Variants in CTNNA3 observed in about 807,000 individuals in gnomAD.
CTNNA3 encodes the protein catenin alpha-3.
CTNNA3 carries 76 observed loss-of-function variants against 95.7 expected under a neutral mutation model. The ratio of observed to expected loss-of-function variants is 0.79; its 90% CI spans 0.66 to 0.96. The LOEUF (loss-of-function observed/expected upper bound fraction) is 0.96, where lower values mean the gene tolerates loss of function less well. CTNNA3 is among the 40% of genes least tolerant of loss of function. The pLI is 0.00. For synonymous variants in CTNNA3, 431 were observed against 374.4 expected, an observed-to-expected ratio of 1.15 and a Z score of -1.74; for missense variants, 1,191 against 1,089.8, an observed-to-expected ratio of 1.09 and a Z score of -1.31.
chr10:67,599,553 G>A (rs1425882228), intron 3 of CTNNA3, among the ~76,000 whole-genome samples: 1 of 151,902 alleles, frequency 6.6e-6, no homozygotes, highest in African/African-American at 2.4e-5. Context: ...AAAAACAAAT[G>A]AAAATTCAGG....
chr10:66,841,106 G>C (rs1322698681), intron 7 of CTNNA3, among the ~76,000 whole-genome samples: 1 of 151,914 alleles, frequency 6.6e-6, no homozygotes, highest in East Asian at 1.9e-4. Context: ...TTTTTTCCTT[G>C]TTTTCCCTAT....
chr10:65,948,401 T>G lies in CTNNA3; in HGVS notation c.2400+18211A>C, dbSNP rs946138379. 4.0e-5 allele frequency among the ~76,000 whole-genome samples: 6 copies of G among 151,810 alleles called. No homozygotes were observed. In the East Asian group the frequency reaches 1.2e-3, roughly 29 times the overall value. ...TATGAATATATACATAGAAAGAGTA[T>G]AGATCACTTTTTAAAAAACACTGAA... On this transcript the variant is annotated intron_variant, in intron 17 of 17. Transcript: ENST00000433211.
intron 7 of CTNNA3, among the ~76,000 whole-genome samples, chr10:67,058,622 C>T (rs577670135): frequency 5.8e-4 from 88 of 151,930 alleles, no homozygotes; most frequent in African/African-American, 1.1e-3. Context: ...TTTTTCTGTG[C>T]GCAGAAGCCC....
In CTNNA3 at chr10:66,833,408, G is replaced by T. The variant is rs78044275; in HGVS notation, c.1048-57884C>A. Among the ~76,000 whole-genome samples the T allele has an allele frequency of 2.2e-3, 328 of 152,136 alleles. 2 individuals carry two copies. The highest frequency in any genetic ancestry group is 3.2e-3 in the Non-Finnish European group (217 of 67,994). ...TAATAAGCATAATTGCACTGACTAC[G>T]TGCAAATCCTTATAGAATAAGCATT... is the stretch of plus-strand genomic sequence containing the variant. On this transcript the variant is annotated intron_variant, in intron 7 of 17. Coordinates refer to ENST00000433211, the MANE Select transcript of CTNNA3 (RefSeq NM_013266.4).
intron 7 of CTNNA3, among the ~76,000 whole-genome samples, chr10:66,894,179 A>G (rs1015209351): frequency 1.3e-5 from 2 of 152,116 alleles, no homozygotes; most frequent in African/African-American, 2.4e-5. Context: ...AGTAATTTAT[A>G]CACGTTAATT....
chr10:66,271,548 CA>C (rs1305090821), intron 13 of CTNNA3, among the ~76,000 whole-genome samples: 4 of 152,010 alleles, frequency 2.6e-5, no homozygotes, highest in African/African-American at 9.7e-5. Flanking sequence ...AAAAGCAAAC[CA>C]AAAACTCTAA....
intron 13 of CTNNA3, among the ~76,000 whole-genome samples, chr10:66,123,213 A>T: frequency 6.6e-6 from 1 of 152,218 alleles, no homozygotes; most frequent in East Asian, 1.9e-4. Flanking sequence ...GGCATTGGGT[A>T]AATACAGCAA....
intron 9 of CTNNA3, among the ~76,000 whole-genome samples, chr10:66,657,319 C>G (rs747621234): frequency 1.3e-5 from 2 of 152,148 alleles, no homozygotes; most frequent in Non-Finnish European, 2.9e-5. Flanking sequence ...AAGCAGCTCT[C>G]GTTCTTTAAT....
intron 9 of CTNNA3, among the ~76,000 whole-genome samples, chr10:66,644,458 T>C (rs1173444594): frequency 2.2e-5 from 2 of 91,510 alleles, no homozygotes; most frequent in Admixed American, 1.3e-4. Flanking sequence ...CCCAAATATG[T>C]ATATATATAT....
chr10:67,430,208 G>A (rs151010287), intron 5 of CTNNA3, among the ~76,000 whole-genome samples: 46 of 152,024 alleles, frequency 3.0e-4, no homozygotes, highest in Admixed American at 2.4e-3. Context: ...CTTTAGCCAC[G>A]GAAGTAAACA....
intron 9 of CTNNA3, among the ~76,000 whole-genome samples, chr10:66,762,804 A>T (rs1461381440): frequency 6.6e-6 from 1 of 152,062 alleles, no homozygotes; most frequent in Non-Finnish European, 1.5e-5. Flanking sequence ...CATTATTTAA[A>T]GAGTTCCTTT....
chr10:66,096,612 C>T (rs2133714994), intron 14 of CTNNA3, among the ~76,000 whole-genome samples: 1 of 151,112 alleles, frequency 6.6e-6, no homozygotes, highest in South Asian at 2.1e-4. Flanking sequence ...CTACCTCCAC[C>T]TCCTGGGTTC....
intron 7 of CTNNA3, among the ~76,000 whole-genome samples, chr10:67,141,456 A>G (rs907005284): frequency 9.2e-5 from 14 of 152,190 alleles, no homozygotes; most frequent in African/African-American, 3.4e-4. Flanking sequence ...CAGCTGTGCC[A>G]TTATCCCCGG....
chr10:65,968,718 C>G (rs2078030315), intron 16 of CTNNA3, among the ~76,000 whole-genome samples: 1 of 152,232 alleles, frequency 6.6e-6, no homozygotes, highest in Admixed American at 6.5e-5. Context: ...TGCTTCATGC[C>G]TAGGCAGATC....
intron 5 of CTNNA3, among the ~76,000 whole-genome samples, chr10:67,446,973 C>T (rs1157867093): frequency 2.0e-5 from 3 of 152,200 alleles, no homozygotes; most frequent in African/African-American, 4.8e-5. Context: ...GGCGTGGTGG[C>T]GGGCGCCTGT....
intron 7 of CTNNA3, among the ~76,000 whole-genome samples, chr10:66,810,497 C>A (rs928549289): frequency 3.9e-5 from 6 of 152,166 alleles, no homozygotes; most frequent in Non-Finnish European, 8.8e-5. Flanking sequence ...AATTTCAGAT[C>A]TCCCATCCAT....
At chr10:66,975,202 A>G (rs776686118) in intron 7 of CTNNA3, among the ~76,000 whole-genome samples, 15 of 152,174 alleles carry the variant, frequency 9.9e-5, no homozygotes, top group Non-Finnish European at 1.6e-4. Flanking sequence ...TCAATAACTG[A>G]TTTATTTGAT....
chr10:66,325,236 G>T (rs1449210631), intron 12 of CTNNA3, among the ~76,000 whole-genome samples: 1 of 152,002 alleles, frequency 6.6e-6, no homozygotes, highest in African/African-American at 2.4e-5. Context: ...GTTTAGTATT[G>T]ACTGTTTTCT....
intron 7 of CTNNA3, among the ~76,000 whole-genome samples, chr10:66,871,637 C>T (rs1844415188): frequency 6.6e-6 from 1 of 150,898 alleles, no homozygotes; most frequent in African/African-American, 2.4e-5. Flanking sequence ...ACAAAGAATT[C>T]CCATCAAAAT....
Sources: gnomAD v4.1 joint callset for allele counts (sites outside exome capture counted in the v4.1 genomes callset) on GRCh38, gnomAD v4.1.1 for gene constraint, MANE v1.5 for transcripts, NCBI Gene and HGNC (gene_info 2026-07-23, HGNC 2026-07-21) for gene names.